Variants in MKRN1 observed in about 807,000 individuals in gnomAD.
The protein encoded by MKRN1 is makorin ring finger protein 1.
In MKRN1, 9 loss-of-function variants were observed where a neutral mutation model predicts 55.5. The observed-to-expected ratio is 0.16, with a 90% confidence interval of 0.10 to 0.28. MKRN1 has a LOEUF of 0.28. Ranked by LOEUF, MKRN1 falls within the 10% of genes least tolerant of loss-of-function variation. The pLI, the probability that MKRN1 is intolerant of heterozygous loss-of-function variation, is 1.00. For synonymous variants in MKRN1, 253 were observed against 235.9 expected (o/e 1.07, Z -0.66); for missense variants, 488 against 626.7 (o/e 0.78, Z 2.36).
chr7:140,479,304 G>A lies in MKRN1; in HGVS notation c.41C>T (p.Ser14Leu). 2.0e-5 allele frequency: 27 copies of A among 1,352,738 alleles called. No homozygotes were observed. The highest frequency in any genetic ancestry group is 2.6e-5 in the Non-Finnish European group (27 of 1,049,294). The allele number at this position is 1,352,738 out of a possible 1,614,324, so 83.8% of individuals were successfully genotyped here. A position where few individuals can be genotyped will look rare whatever the true frequency, so the allele number is the denominator to read the frequency against. Reference sequence around the variant, plus strand: ...CGTCGCCGCTGCCGCTCCTGCTCCTGATGTTGTGGCTGTTGTTCCGGGAGT... The same window carrying A: ...CGTCGCCGCTGCCGCTCCTGCTCCTAATGTTGTGGCTGTTGTTCCGGGAGT... ...AATPGTTATT[S>L]GAGAAAATAA... Residue 14 changes from serine (S) to leucine (L), a missense_variant, in exon 1 of 8, where the codon TCA becomes TTA. Ser to Leu is a moderately radical substitution (Grantham distance 145). Transcript: ENST00000255977.
Position 140,457,391 on chromosome 7 carries a change from A to T in MKRN1, c.772-525T>A, listed in dbSNP as rs371144116. Among the ~76,000 whole-genome samples the T allele has an allele frequency of 5.3e-5, 8 of 152,212 alleles. No individual in the cohort carries two copies. The East Asian group carries it at 1.5e-3, about 29-fold the overall frequency. Reference sequence around the variant, plus strand: ...GCTATTATAAATAATGCTGCCAAGAACATTCATGTACCAATTTTTGTGTGG... The same window carrying T: ...GCTATTATAAATAATGCTGCCAAGATCATTCATGTACCAATTTTTGTGTGG... On this transcript the variant is annotated intron_variant, in intron 4 of 7. Coordinates refer to ENST00000255977, the MANE Select transcript of MKRN1 (RefSeq NM_013446.4).
In MKRN1 at chr7:140,459,817, T is replaced by C. The variant is rs1035168824; in HGVS notation, c.434A>G (p.Asn145Ser). 6.2e-7 allele frequency: 1 copy of C among 1,614,008 alleles called. No homozygotes were observed. Among genetic ancestry groups the C allele is most frequent in the Non-Finnish European group, 8.5e-7 (1 of 1,179,868 alleles). ...SSIVGPLVEM[N>S]TGEAESRNSN... ...ATTTCTTGACTCAGCTTCGCCTGTA[T>C]TCATTTCAACAAGTGGTCCAACTAT... Residue 145 changes from asparagine to serine, a missense_variant, in exon 3 of 8, where the codon AAT becomes AGT. Around this residue, in one of 2 missense-constraint regions of MKRN1, gnomAD observed 210 missense variants for 220.0 expected, o/e 0.95. Transcript: ENST00000255977.
chr7:140,455,389 CAAGA>C (rs1278846790), intron 6 of MKRN1, 156 bp from the exon 7 acceptor site: 2 of 872,490 alleles, frequency 2.3e-6, no homozygotes. Flanking sequence ...TGTGCCAATG[CAAGA>C]AACACTAACT....
intron 2 of MKRN1, among the ~76,000 whole-genome samples, chr7:140,463,449 C>G (rs1269010085): frequency 6.6e-6 from 1 of 152,222 alleles, no homozygotes; most frequent in Non-Finnish European, 1.5e-5. Context: ...TCAGTCCTTC[C>G]TCTAGCTATA....
At position 140,465,454 on chromosome 7, in the gene MKRN1, C is replaced by T. The variant is rs113064536; in HGVS notation, c.315-5518G>A. On this transcript the variant is annotated intron_variant, in intron 2 of 7. Coordinates refer to ENST00000255977, the MANE Select transcript of MKRN1 (RefSeq NM_013446.4). ...CACCACTGCACTCTAGTCTGGGCGA[C>T]AGAGCACGACTCCATCTAAAAAAAA... Among the ~76,000 whole-genome samples, 449 of 151,974 alleles carry T rather than the reference C, an allele frequency of 3.0e-3. 3 individuals are homozygous for T. Among genetic ancestry groups the T allele is most frequent in the African/African-American group, 0.011 (440 of 41,426 alleles).
intron 7 of MKRN1, 64 bp from the exon 8 acceptor site, chr7:140,454,793 A>T: frequency 1.3e-6 from 2 of 1,532,570 alleles, no homozygotes; most frequent in Non-Finnish European, 1.8e-6. Flanking sequence ...CCTGTTGTTT[A>T]TAAGGCAAAA....
intron 2 of MKRN1, among the ~76,000 whole-genome samples, chr7:140,461,691 C>T (rs747023842): frequency 1.3e-5 from 2 of 151,936 alleles, no homozygotes; most frequent in African/African-American, 2.4e-5. Context: ...TGAGAAAATT[C>T]TCACAGTTCC....
chr7:140,474,397 T>C (rs1012197242), intron 1 of MKRN1: 5 of 340,714 alleles, frequency 1.5e-5, no homozygotes, highest in Non-Finnish European at 3.0e-5. Flanking sequence ...TCCCAGCTAC[T>C]TGGGAGGCTG....
At chr7:140,455,675 G>GC in intron 6 of MKRN1, 115 bp downstream of exon 6, 4 of 775,296 alleles carry the variant, frequency 5.2e-6, no homozygotes, top group Non-Finnish European at 8.7e-6. Flanking sequence ...ACTGTCCTGG[G>GC]AAGTCAAAGA....
intron 2 of MKRN1, among the ~76,000 whole-genome samples, chr7:140,462,760 C>T (rs1000252789): frequency 1.6e-4 from 25 of 151,936 alleles, no homozygotes; most frequent in African/African-American, 6.0e-4. Context: ...GTCAGGAGAT[C>T]GAGACCATCC....
chr7:140,462,629 G>C (rs1283869059), intron 2 of MKRN1, among the ~76,000 whole-genome samples: 1 of 151,714 alleles, frequency 6.6e-6, no homozygotes, highest in African/African-American at 2.4e-5. Context: ...AGGGGTTAGA[G>C]ACAAGCCTGG....
chr7:140,454,482 G>A lies in MKRN1; in HGVS notation c.*35C>T, dbSNP rs779594534. 1 of 1,577,252 alleles carries A rather than the reference G, an allele frequency of 6.3e-7. No individual in the cohort carries two copies. The highest frequency in any genetic ancestry group is 8.7e-7 in the Non-Finnish European group (1 of 1,153,950). ...ACCACAGGGGACAGCTGCTGTCTGA[G>A]GTCAGCAGACCAGTTCACACGCCAC... On this transcript the variant is annotated 3_prime_UTR_variant, in exon 8 of 8. Coordinates refer to ENST00000255977, the MANE Select transcript of MKRN1 (RefSeq NM_013446.4).
At chr7:140,464,790 A>G (rs922061496) in intron 2 of MKRN1, among the ~76,000 whole-genome samples, 1 of 152,176 alleles carries the variant, frequency 6.6e-6, no homozygotes, top group Non-Finnish European at 1.5e-5. Flanking sequence ...TACAAGCTTT[A>G]TATTTTTTGT....
chr7:140,472,072 TTAGTATTCATGACTA>T, intron 1 of MKRN1, 61 bp from the exon 2 acceptor site: 1 of 1,601,434 alleles, frequency 6.2e-7, no homozygotes, highest in Non-Finnish European at 8.5e-7. Context: ...TTAAAACTAA[TTAGTATTCATGACTA>T]ATATATTCAA....
At chr7:140,475,021 T>TA (rs1468530325) in intron 1 of MKRN1, among the ~76,000 whole-genome samples, 1 of 151,848 alleles carries the variant, frequency 6.6e-6, no homozygotes, top group Non-Finnish European at 1.5e-5. Context: ...GCCCAGCTGA[T>TA]CTTTAAGTTA....
intron 3 of MKRN1, 75 bp from the exon 4 acceptor site, chr7:140,459,308 GC>G: frequency 7.0e-7 from 1 of 1,426,404 alleles, no homozygotes; most frequent in South Asian, 1.2e-5. Flanking sequence ...GAATCTAACC[GC>G]AAAAAATGAA....
In MKRN1 at chr7:140,479,264, G is replaced by A. The variant is rs1563100422; in HGVS notation, c.81C>T (p.Ser27=). The A allele has an allele frequency of 2.4e-5, 33 of 1,399,166 alleles. No individual in the cohort carries two copies. The highest frequency in any genetic ancestry group is 3.1e-5 in the Non-Finnish European group (33 of 1,077,992). The allele number at this position is 1,399,166 out of a possible 1,614,324, so 86.7% of individuals were successfully genotyped here. ...CGGTGACTGTGGGGATCGGGGTGGG[G>A]GAGGCTGCTGCCGCCGTCGCCGCTG... is the stretch of plus-strand genomic sequence containing the variant. ...GAAAATAAAA[S]PTPIPTVTAP... Residue 27 remains serine (S), a synonymous_variant, in exon 1 of 8, where the codon TCC becomes TCT. Coordinates refer to ENST00000255977, the MANE Select transcript of MKRN1 (RefSeq NM_013446.4).
At chr7:140,455,373 C>A in intron 6 of MKRN1, 140 bp from the exon 7 acceptor site, 1 of 1,043,956 alleles carries the variant, frequency 9.6e-7, no homozygotes. Context: ...TTCTTATAAA[C>A]ATGTGTGTGC....
Position 140,454,631 on chromosome 7 carries a change from G to A in MKRN1, c.1335C>T (p.Gly445=), listed in dbSNP as rs777122502. The change falls in exon 8 of 8, where the codon GGC becomes GGT. Residue 445 remains glycine (G), a synonymous_variant. Coordinates refer to ENST00000255977, the MANE Select transcript of MKRN1 (RefSeq NM_013446.4). ...DEEEVVTFEL[G]EMLLMLLAAG... ...CAGCCAAAAGCATAAGCAACATCTCGCCCAGCTCAAAGGTGACAACCTCTT... is the reference window on the plus strand; with the variant it reads ...CAGCCAAAAGCATAAGCAACATCTCACCCAGCTCAAAGGTGACAACCTCTT... The A allele has an allele frequency of 3.7e-5, 59 of 1,613,768 alleles. No individual in the cohort carries two copies. Among genetic ancestry groups the A allele is most frequent in the Non-Finnish European group, 4.6e-5 (54 of 1,179,862 alleles).
Sources: gnomAD v4.1 joint callset for allele counts (sites outside exome capture counted in the v4.1 genomes callset) on GRCh38, gnomAD v4.1.1 for gene constraint, gnomAD v4.1.1 regional missense constraint, MANE v1.5 for transcripts, NCBI Gene and HGNC (gene_info 2026-07-23, HGNC 2026-07-21) for gene names.